BABAM1: variants seen among roughly 807,000 people sequenced by gnomAD.
The protein encoded by BABAM1 is BRISC and BRCA1 A complex member 1, also known as BRISC and BRCA1-A complex member 1.
BABAM1 carries 14 observed loss-of-function variants against 34.4 expected under a neutral mutation model. The observed-to-expected ratio is 0.41, with a 90% CI of 0.27 to 0.64. The LOEUF is 0.64. Ranked by LOEUF, BABAM1 falls within the 30% of genes least tolerant of loss-of-function variation. The pLI is 0.34. For synonymous variants in BABAM1, 169 were observed against 165.8 expected (o/e 1.02, Z -0.15); for missense variants, 393 against 434.0 (o/e 0.91, Z 0.84).
chr19:17,276,767 A>G (rs751018712), intron 7 of BABAM1, 56 bp from the exon 8 acceptor site: 2 of 1,562,990 alleles, frequency 1.3e-6, no homozygotes, highest in Non-Finnish European at 8.7e-7. Context: ...AGCTATAGTC[A>G]TGGGGCACGG....
intron 7 of BABAM1, 82 bp downstream of exon 7, chr19:17,276,706 A>C (rs1274391592): frequency 6.4e-7 from 1 of 1,558,246 alleles, no homozygotes; most frequent in Admixed American, 1.9e-5. Flanking sequence ...CCAACCACAG[A>C]GGCTGGGGTG....
At position 17,278,833 on chromosome 19, in the gene BABAM1, C is replaced by A. The variant is rs758766795; in HGVS notation, c.787-12C>A. 2 of 1,608,328 alleles carry A rather than the reference C, an allele frequency of 1.2e-6. No homozygotes were observed. Among genetic ancestry groups the A allele is most frequent in the South Asian group, 2.2e-5 (2 of 89,818 alleles). On this transcript the variant is annotated splice_polypyrimidine_tract_variant and intron_variant, in intron 8 of 8. Transcript: ENST00000598188. ...CTGAACAGCCCTTCACTGACCCCCG[C>A]CTCCCCGGCAGGATATGTTTGCCTT...
chr19:17,278,809 T>C, intron 8 of BABAM1, 36 bp from the exon 9 acceptor site: 1 of 1,578,588 alleles, frequency 6.3e-7, no homozygotes, highest in South Asian at 1.1e-5. Context: ...AACCTCTGCC[T>C]GAACAGCCCT....
At chr19:17,267,778 G>T (rs2073785854) in intron 1 of BABAM1, among the ~76,000 whole-genome samples, 1 of 152,188 alleles carries the variant, frequency 6.6e-6, no homozygotes, top group African/African-American at 2.4e-5. Context: ...TTCGCGTCCT[G>T]TTTCTCTCCA....
chr19:17,273,994 A>C lies in BABAM1; in HGVS notation c.435A>C (p.Ala145=). The C allele has an allele frequency of 1.2e-6, 2 of 1,613,924 alleles. No homozygotes were observed. The highest frequency in any genetic ancestry group is 1.7e-6 in the Non-Finnish European group (2 of 1,179,852). ...AGATCGACAAAAGCCACGAGTTTGC[A>C]CTGGTGGTGGTGAACGATGACACGG... The part of the protein sequence containing the change: ...KHKIDKSHEF[A]LVVVNDDTAW... Residue 145 remains alanine, a synonymous_variant, in exon 4 of 9, where the codon GCA becomes GCC. Coordinates refer to ENST00000598188, the MANE Select transcript of BABAM1 (RefSeq NM_014173.4).
At position 17,269,082 on chromosome 19, in the gene BABAM1, A is replaced by C; in HGVS notation, c.276A>C (p.Pro92=). 6.2e-7 allele frequency: 1 copy of C among 1,605,368 alleles called. No homozygotes were observed. The highest frequency in any genetic ancestry group is 1.1e-5 in the South Asian group (1 of 89,748). Residue 92 remains proline, a synonymous_variant, in exon 2 of 9, where the codon CCA becomes CCC. Transcript: ENST00000598188. ...VQIRTPRVNC[P]EKVIICLDLS... ...TTCGGACACCAAGGGTCAACTGTCC[A>C]GAGAAAGTGGTAAGTAGAGGGGGTG...
At chr19:17,277,123 T>C (rs982194391) in intron 8 of BABAM1, 4 of 538,458 alleles carry the variant, frequency 7.4e-6, no homozygotes, top group African/African-American at 5.7e-5. Context: ...AGGCAACATG[T>C]TGAGTCCTGC....
chr19:17,275,197 A>G (rs10418154), intron 5 of BABAM1, among the ~76,000 whole-genome samples: 25,964 of 150,964 alleles, frequency 0.17, 2,386 homozygotes, highest in Non-Finnish European at 0.19. Flanking sequence ...GAGCCACCAT[A>G]CCCGGCCCCA....
At chr19:17,276,401 C>T (rs771715968) in intron 6 of BABAM1, 94 bp from the exon 7 acceptor site, 2 of 1,537,394 alleles carry the variant, frequency 1.3e-6, no homozygotes, top group South Asian at 2.4e-5. Flanking sequence ...TGGGGCCTCA[C>T]CTGCCCGGTG....
chr19:17,270,718 C>T lies in BABAM1; in HGVS notation c.286-879C>T, dbSNP rs542425895. Among the ~76,000 whole-genome samples, 163 of 151,732 alleles carry T rather than the reference C, an allele frequency of 1.1e-3. 2 individuals are homozygous for T. The South Asian group carries it at 0.017, about 16-fold the overall frequency. ...TTTTTTTTTTTTTGAGACGGAGTCT[C>T]GCTCTGTCGCCCAGGCTGGAGTGGA... On this transcript the variant is annotated intron_variant, in intron 2 of 8. Coordinates refer to ENST00000598188, the MANE Select transcript of BABAM1 (RefSeq NM_014173.4).
intron 5 of BABAM1, among the ~76,000 whole-genome samples, chr19:17,275,105 A>G (rs573297056): frequency 1.3e-4 from 19 of 151,726 alleles, no homozygotes; most frequent in African/African-American, 4.4e-4. Flanking sequence ...GGGTCTTGCT[A>G]TGTTGCCCAG....
intron 1 of BABAM1, among the ~76,000 whole-genome samples, chr19:17,268,204 G>A (rs536704795): frequency 4.0e-5 from 6 of 151,676 alleles, no homozygotes; most frequent in Non-Finnish European, 5.9e-5. Context: ...AGTGGCCAGA[G>A]AGCTGGGATG....
chr19:17,276,404 GC>G, intron 6 of BABAM1, 90 bp from the exon 7 acceptor site: 1 of 1,538,968 alleles, frequency 6.5e-7, no homozygotes, highest in Non-Finnish European at 8.8e-7. Context: ...GGCCTCACCT[GC>G]CCGGTGAGCA....
At chr19:17,271,412 T>C (rs2073839661) in intron 2 of BABAM1, among the ~76,000 whole-genome samples, 185 bp from the exon 3 acceptor site, 1 of 152,232 alleles carries the variant, frequency 6.6e-6, no homozygotes, top group Non-Finnish European at 1.5e-5. Context: ...TTTACTTATC[T>C]ACTTGGACTC....
chr19:17,279,115 C>G lies in BABAM1; in HGVS notation c.*67C>G, dbSNP rs2073945739. On this transcript the variant is annotated 3_prime_UTR_variant, in exon 9 of 9. Transcript: ENST00000598188. ...TTGGCCTAAAGCCTTGGTTCTCAAA[C>G]TGGGTTCCTTGGGACCTCCGGGGTG... The G allele has an allele frequency of 6.6e-7, 1 of 1,517,396 alleles. No individual in the cohort carries two copies. The highest frequency in any genetic ancestry group is 1.4e-5 in the African/African-American group (1 of 72,746). 94.0% of individuals were successfully genotyped at this position (1,517,396 alleles called of 1,614,324 possible).
intron 7 of BABAM1, 51 bp from the exon 8 acceptor site, chr19:17,276,772 G>A: frequency 6.4e-7 from 1 of 1,565,178 alleles, no homozygotes; most frequent in Non-Finnish European, 8.7e-7. Flanking sequence ...TAGTCATGGG[G>A]CACGGGGTGA....
chr19:17,275,593 C>T (rs1424134190), intron 5 of BABAM1, among the ~76,000 whole-genome samples: 2 of 152,106 alleles, frequency 1.3e-5, no homozygotes, highest in Non-Finnish European at 2.9e-5. Context: ...CCTGGCATAC[C>T]AAGAGTCTTA....
At chr19:17,268,606 T>C (rs2073798284) in intron 1 of BABAM1, 188 bp from the exon 2 acceptor site, 1 of 558,352 alleles carries the variant, frequency 1.8e-6, no homozygotes, top group Admixed American at 3.6e-5. Flanking sequence ...ATTTTGTATT[T>C]TTAGTTGAGA....
chr19:17,271,354 A>G (rs1356780208), intron 2 of BABAM1, among the ~76,000 whole-genome samples: 2 of 152,092 alleles, frequency 1.3e-5, no homozygotes, highest in South Asian at 2.1e-4. Flanking sequence ...TCGATCCACT[A>G]TATCCTCATT....
Sources: allele counts gnomAD v4.1 joint callset (sites outside exome capture counted in the v4.1 genomes callset), GRCh38; gene constraint gnomAD v4.1.1; transcripts MANE v1.5; gene names NCBI Gene and HGNC (gene_info 2026-07-23, HGNC 2026-07-21).